FRMD4B: variants seen among roughly 807,000 people sequenced by gnomAD.
FRMD4B encodes the protein FERM domain containing 4B, also known as FERM domain-containing protein 4B.
In FRMD4B, 74 loss-of-function variants were observed where a neutral mutation model predicts 141.5. The observed-to-expected ratio is 0.52, with a 90% CI of 0.43 to 0.63. FRMD4B has a LOEUF of 0.63. Ranked by LOEUF, FRMD4B falls within the 30% of genes least tolerant of loss-of-function variation. The pLI, the probability that FRMD4B is intolerant of heterozygous loss-of-function variation, is 0.00. For synonymous variants in FRMD4B, 506 were observed against 467.9 expected, an observed-to-expected ratio of 1.08 and a Z score of -1.05; for missense variants, 1,366 against 1,253.4, an observed-to-expected ratio of 1.09 and a Z score of -1.36.
At chr3:69,212,402 G>GA (rs1263494774) in intron 11 of FRMD4B, among the ~76,000 whole-genome samples, 1 of 79,316 alleles carries the variant, frequency 1.3e-5, no homozygotes, top group Non-Finnish European at 2.9e-5. Flanking sequence ...AGAAAAAAAA[G>GA]AAAAAAAGCG....
chr3:69,456,041 T>G (rs1318988088), intron 1 of FRMD4B, among the ~76,000 whole-genome samples: 1 of 152,190 alleles, frequency 6.6e-6, no homozygotes, highest in Non-Finnish European at 1.5e-5. Flanking sequence ...TTCTGGCACG[T>G]GGTGAAGGCA....
intron 16 of FRMD4B, among the ~76,000 whole-genome samples, 188 bp downstream of exon 16, chr3:69,194,833 TA>T (rs2092881368): frequency 6.6e-6 from 1 of 152,170 alleles, no homozygotes; most frequent in African/African-American, 2.4e-5. Context: ...GGGAGTAAAT[TA>T]GTGAGAAGTA....
At chr3:69,525,808 A>G (rs1575600816) in intron 1 of FRMD4B, among the ~76,000 whole-genome samples, 2 of 149,220 alleles carry the variant, frequency 1.3e-5, no homozygotes, top group Non-Finnish European at 1.5e-5. Flanking sequence ...GTGTGCCACC[A>G]TGCCTGGCTA....
intron 4 of FRMD4B, among the ~76,000 whole-genome samples, chr3:69,292,637 AG>A (rs1046257519): frequency 6.6e-6 from 1 of 152,124 alleles, no homozygotes; most frequent in African/African-American, 2.4e-5. Context: ...CTCTCCCTCA[AG>A]GGGGCCATTG....
Position 69,527,083 on chromosome 3 carries a change from T to A in FRMD4B, c.-129+15123A>T, listed in dbSNP as rs1700940804. The stretch of plus-strand genomic sequence containing the variant: ...CCATTCACACCCTTTGCTATTTGTG[T>A]CCTCCGTCCTGGGGCATGGGTCTCT... On this transcript the variant is annotated intron_variant, in intron 1 of 5. Transcript: ENST00000459638. Among the ~76,000 whole-genome samples the A allele has an allele frequency of 2.0e-5, 3 of 152,136 alleles. No individual in the cohort carries two copies. In the South Asian group the frequency reaches 6.2e-4, roughly 32 times the overall value.
At chr3:69,356,008 G>C (rs1206687414) in intron 1 of FRMD4B, among the ~76,000 whole-genome samples, 2 of 148,378 alleles carry the variant, frequency 1.3e-5, no homozygotes, top group African/African-American at 5.0e-5. Context: ...CTGGGTGACA[G>C]AGCAAGCAAG....
chr3:69,245,654 ATTTTC>A (rs2093419697), intron 7 of FRMD4B, among the ~76,000 whole-genome samples: 1 of 122,746 alleles, frequency 8.1e-6, no homozygotes, highest in African/African-American at 3.2e-5. Context: ...GCCTTGGCTG[ATTTTC>A]TTTTCTTTTT....
intron 2 of FRMD4B, among the ~76,000 whole-genome samples, chr3:69,412,556 T>G (rs1410476248): frequency 1.3e-5 from 2 of 152,220 alleles, no homozygotes; most frequent in Non-Finnish European, 2.9e-5. Context: ...CTCAAAGTTC[T>G]TCCCTGTAGA....
In FRMD4B at chr3:69,463,811, G is replaced by C. The variant is rs546218592; in HGVS notation, c.-128-31050C>G. Among the ~76,000 whole-genome samples, 24 of 152,316 alleles carry C rather than the reference G, an allele frequency of 1.6e-4. No individual in the cohort carries two copies. In the South Asian group the frequency reaches 3.5e-3, roughly 22 times the overall value. On this transcript the variant is annotated intron_variant, in intron 1 of 5. Coordinates refer to the FRMD4B transcript ENST00000459638. ...TGATGCATAAAGCTAAAGGGACAAG[G>C]AAATTTGCAAAAGGAGGGCTCTCTC...
intron 1 of FRMD4B, among the ~76,000 whole-genome samples, chr3:69,489,951 CATT>C (rs1242914935): frequency 6.6e-6 from 1 of 152,178 alleles, no homozygotes; most frequent in Non-Finnish European, 1.5e-5. Context: ...ACCTCAAACA[CATT>C]ATTATGAGCC....
intron 5 of FRMD4B, among the ~76,000 whole-genome samples, chr3:69,274,793 A>G (rs1328209508): frequency 6.6e-6 from 1 of 152,234 alleles, no homozygotes; most frequent in African/African-American, 2.4e-5. Flanking sequence ...TTCTTGGATT[A>G]CAGGCATGAG....
chr3:69,267,604 T>C (rs1488839232), intron 5 of FRMD4B, among the ~76,000 whole-genome samples: 2 of 93,048 alleles, frequency 2.1e-5, no homozygotes, highest in Non-Finnish European at 3.8e-5. Flanking sequence ...TGTATATATA[T>C]ATATATATAT....
chr3:69,482,572 T>G (rs1706144652), intron 1 of FRMD4B, among the ~76,000 whole-genome samples: 1 of 152,222 alleles, frequency 6.6e-6, no homozygotes, highest in South Asian at 2.1e-4. Context: ...TCTAACATCT[T>G]CCTTAAAAGA....
intron 2 of FRMD4B, among the ~76,000 whole-genome samples, chr3:69,397,225 C>T (rs969241426): frequency 5.9e-5 from 9 of 151,988 alleles, no homozygotes; most frequent in African/African-American, 1.7e-4. Flanking sequence ...TGGATGAATA[C>T]TGAAAACATA....
At chr3:69,525,337 C>A (rs1700916721) in intron 1 of FRMD4B, among the ~76,000 whole-genome samples, 1 of 152,082 alleles carries the variant, frequency 6.6e-6, no homozygotes, top group Non-Finnish European at 1.5e-5. Context: ...GGTCTTTGTG[C>A]TGAAAATACC....
chr3:69,383,440 C>A (rs1424202933), intron 1 of FRMD4B, among the ~76,000 whole-genome samples: 1 of 152,058 alleles, frequency 6.6e-6, no homozygotes, highest in Non-Finnish European at 1.5e-5. Context: ...TTCATAAAAG[C>A]CTTTGTTATT....
chr3:69,214,897 TGA>T, intron 11 of FRMD4B, among the ~76,000 whole-genome samples: 1 of 140,478 alleles, frequency 7.1e-6, no homozygotes. Flanking sequence ...TTTTTTTTTT[TGA>T]GATGAAGTCT....
At position 69,198,772 on chromosome 3, in the gene FRMD4B, TA is replaced by T; in HGVS notation, c.878del (p.Leu293TyrfsTer56). The part of the protein sequence containing the change: ...DIQDKVKPRK[L>X]FQWKQLENLY... ...AGTTCTCCAGCTGTTTCCATTGGAA[TA>T]ACTAAAGAAAACAGAAAAGCCAGGA... On this transcript the variant is annotated frameshift_variant and splice_region_variant, in exon 12 of 23. Coordinates refer to ENST00000398540, the MANE Select transcript of FRMD4B (RefSeq NM_015123.3). LOFTEE classifies it high-confidence loss of function. The T allele has an allele frequency of 6.7e-7, 1 of 1,495,856 alleles. No homozygotes were observed. The highest frequency in any genetic ancestry group is 9.2e-7 in the Non-Finnish European group (1 of 1,088,982). 92.7% of individuals were successfully genotyped at this position (1,495,856 alleles called of 1,614,324 possible). A position where few individuals can be genotyped will look rare whatever the true frequency, so the allele number is the denominator to read the frequency against.
At chr3:69,526,728 C>T (rs550905876) in intron 1 of FRMD4B, among the ~76,000 whole-genome samples, 2 of 152,232 alleles carry the variant, frequency 1.3e-5, no homozygotes, top group East Asian at 1.9e-4. Flanking sequence ...GTCCCGAGAA[C>T]ATAACAGGCA....
Sources: gnomAD v4.1 joint callset for allele counts (sites outside exome capture counted in the v4.1 genomes callset) on GRCh38, gnomAD v4.1.1 for gene constraint, MANE v1.5 for transcripts, NCBI Gene and HGNC (gene_info 2026-07-23, HGNC 2026-07-21) for gene names.